The following INPP4B variants were observed in gnomAD, a reference collection of about 807,000 sequenced individuals.
INPP4B encodes inositol polyphosphate-4-phosphatase type II B.
In INPP4B, 55 loss-of-function variants were observed where a neutral mutation model predicts 122.5. The observed-to-expected ratio is 0.45, with a 90% CI of 0.36 to 0.56. INPP4B has a LOEUF of 0.56. INPP4B is among the 20% of genes least tolerant of loss of function. The probability of loss-of-function intolerance (pLI) is 0.00; values close to 1 mark genes in which losing one functional copy is unlikely to be tolerated. For synonymous variants in INPP4B, 403 were observed against 388.7 expected (o/e 1.04, Z -0.43); for missense variants, 1,000 against 1,097.7 (o/e 0.91, Z 1.26).
intron 11 of INPP4B, among the ~76,000 whole-genome samples, chr4:142,257,249 A>T (rs1351708272): frequency 6.6e-6 from 1 of 152,216 alleles, no homozygotes; most frequent in African/African-American, 2.4e-5. Context: ...AGCCAATATC[A>T]TACTGAATGG....
intron 1 of INPP4B, among the ~76,000 whole-genome samples, chr4:142,750,209 G>GA (rs566759166): frequency 1.3e-4 from 19 of 151,476 alleles, no homozygotes; most frequent in Admixed American, 5.3e-4. Flanking sequence ...TACATATGTG[G>GA]AAAAAAAATG....
At chr4:142,395,979 C>CAA (rs1319192839) in intron 7 of INPP4B, among the ~76,000 whole-genome samples, 1 of 152,074 alleles carries the variant, frequency 6.6e-6, no homozygotes, top group Non-Finnish European at 1.5e-5. Context: ...AGCTGCTATA[C>CAA]AACATTATCC....
At chr4:142,304,447 T>C (rs1302356962) in intron 9 of INPP4B, among the ~76,000 whole-genome samples, 1 of 152,054 alleles carries the variant, frequency 6.6e-6, no homozygotes, top group East Asian at 1.9e-4. Flanking sequence ...ATTTCTCTGC[T>C]TGAAGTATTA....
At chr4:142,487,690 G>A (rs1821374485) in intron 2 of INPP4B, among the ~76,000 whole-genome samples, 1 of 152,036 alleles carries the variant, frequency 6.6e-6, no homozygotes, top group African/African-American at 2.4e-5. Flanking sequence ...ACGTTTGGGG[G>A]ATGTTATTAT....
intron 2 of INPP4B, among the ~76,000 whole-genome samples, chr4:142,510,724 T>C (rs1188381769): frequency 6.6e-6 from 1 of 152,196 alleles, no homozygotes; most frequent in African/African-American, 2.4e-5. Context: ...GTATTTGTCT[T>C]ACTCCTTATT....
intron 11 of INPP4B, among the ~76,000 whole-genome samples, chr4:142,252,703 A>T (rs1029423007): frequency 6.6e-6 from 1 of 152,316 alleles, no homozygotes; most frequent in Middle Eastern, 3.4e-3. Flanking sequence ...AGAATGTACA[A>T]ATGTGATTAT....
At chr4:142,094,590 T>A (rs926315388) in intron 23 of INPP4B, among the ~76,000 whole-genome samples, 1 of 152,200 alleles carries the variant, frequency 6.6e-6, no homozygotes, top group African/African-American at 2.4e-5. Context: ...CAAGGTCAGA[T>A]GACAGCCCAG....
At chr4:142,063,478 G>A (rs1202849223) in intron 25 of INPP4B, among the ~76,000 whole-genome samples, 1 of 152,102 alleles carries the variant, frequency 6.6e-6, no homozygotes, top group Non-Finnish European at 1.5e-5. Context: ...CCTTGACTGT[G>A]ATAAATTAAA....
chr4:142,063,529 G>A (rs1578771703), intron 25 of INPP4B, among the ~76,000 whole-genome samples: 1 of 152,094 alleles, frequency 6.6e-6, no homozygotes, highest in East Asian at 1.9e-4. Context: ...AAGAAAATAT[G>A]TTCAGAAACA....
chr4:142,611,974 G>T (rs1432458565), intron 2 of INPP4B, among the ~76,000 whole-genome samples: 2 of 152,118 alleles, frequency 1.3e-5, no homozygotes, highest in Non-Finnish European at 2.9e-5. Flanking sequence ...TGGCCTGGAA[G>T]TTCCCTCTTT....
intron 23 of INPP4B, among the ~76,000 whole-genome samples, chr4:142,098,103 C>G (rs530296078): frequency 2.0e-5 from 3 of 151,940 alleles, no homozygotes; most frequent in African/African-American, 7.3e-5. Context: ...GACATTTAGG[C>G]AAAGACTTAG....
chr4:142,621,537 C>T (rs1364349964), intron 2 of INPP4B, among the ~76,000 whole-genome samples: 3 of 151,798 alleles, frequency 2.0e-5, no homozygotes, highest in African/African-American at 2.4e-5. Flanking sequence ...AAATTCAGAC[C>T]ATAGCAGAGT....
At chr4:142,578,476 T>C (rs995483489) in intron 2 of INPP4B, among the ~76,000 whole-genome samples, 2 of 151,930 alleles carry the variant, frequency 1.3e-5, no homozygotes, top group Non-Finnish European at 2.9e-5. Context: ...AGTTGGCAGG[T>C]TGGTTTTCTC....
rs181538561 is a variant in INPP4B, at chr4:142,511,922, T to C, written c.-190-49196A>G. On this transcript the variant is annotated intron_variant, in intron 2 of 25. Coordinates refer to ENST00000262992, the MANE Select transcript of INPP4B (RefSeq NM_001101669.3). ...TCTAAAATTGATTTTTAAATTTTTGTACTTTTCTTGCAATACTCCAGCAAA... is the reference window on the plus strand; with the variant it reads ...TCTAAAATTGATTTTTAAATTTTTGCACTTTTCTTGCAATACTCCAGCAAA... 3.5e-3 allele frequency among the ~76,000 whole-genome samples: 530 copies of C among 152,338 alleles called. 2 individuals carry two copies. The highest frequency in any genetic ancestry group is 5.0e-3 in the Non-Finnish European group (338 of 68,024).
At chr4:142,448,369 A>C (rs1461646740) in intron 3 of INPP4B, among the ~76,000 whole-genome samples, 1 of 150,366 alleles carries the variant, frequency 6.7e-6, no homozygotes, top group Non-Finnish European at 1.5e-5. Context: ...AGCAAGTCTC[A>C]GTTACGCTGA....
chr4:142,636,247 A>G (rs1749140289), intron 2 of INPP4B, among the ~76,000 whole-genome samples: 1 of 152,158 alleles, frequency 6.6e-6, no homozygotes, highest in African/African-American at 2.4e-5. Flanking sequence ...TTTTCTTTAT[A>G]AATTACCAAG....
chr4:142,369,160 T>C (rs1788749744), intron 7 of INPP4B, among the ~76,000 whole-genome samples: 1 of 152,190 alleles, frequency 6.6e-6, no homozygotes, highest in Non-Finnish European at 1.5e-5. Flanking sequence ...TGCTGCACTC[T>C]TGGGGTTTTG....
chr4:142,212,076 T>C (rs1448261801), intron 12 of INPP4B, among the ~76,000 whole-genome samples: 1 of 152,128 alleles, frequency 6.6e-6, no homozygotes, highest in East Asian at 1.9e-4. Context: ...TTAGCCAATG[T>C]AGAAAAGCAC....
intron 1 of INPP4B, among the ~76,000 whole-genome samples, chr4:142,826,724 T>G (rs557329179): frequency 6.6e-6 from 1 of 152,164 alleles, no homozygotes; most frequent in East Asian, 1.9e-4. Context: ...GTGTTTCCAT[T>G]CACTCTGATA....
Sources: allele counts gnomAD v4.1 joint callset (sites outside exome capture counted in the v4.1 genomes callset), GRCh38; gene constraint gnomAD v4.1.1; transcripts MANE v1.5; gene names NCBI Gene and HGNC (gene_info 2026-07-23, HGNC 2026-07-21).